Variants in PHACTR1 observed in about 807,000 individuals in gnomAD.
The protein encoded by PHACTR1 is phosphatase and actin regulator 1.
PHACTR1 carries 16 observed loss-of-function variants against 69.2 expected under a neutral mutation model. The ratio of observed to expected loss-of-function variants is 0.23; its 90% CI spans 0.16 to 0.35. The LOEUF (loss-of-function observed/expected upper bound fraction) is 0.35. Among genes scored for constraint, PHACTR1 ranks in the 10% least tolerant of loss-of-function variants. The probability of loss-of-function intolerance (pLI) is 1.00; values close to 1 mark genes in which losing one functional copy is unlikely to be tolerated. For synonymous variants in PHACTR1, 312 were observed against 284.5 expected (o/e 1.10, Z -0.97); for missense variants, 510 against 734.7 (o/e 0.69, Z 3.54).
chr6:12,978,149 G>A (rs1166198246), intron 4 of PHACTR1, among the ~76,000 whole-genome samples: 1 of 152,088 alleles, frequency 6.6e-6, no homozygotes, highest in African/African-American at 2.4e-5. Flanking sequence ...GTTTGCAGCA[G>A]TGCCCTTGGC....
intron 4 of PHACTR1, among the ~76,000 whole-genome samples, chr6:12,771,822 G>A (rs1769426244): frequency 1.3e-5 from 2 of 152,162 alleles, no homozygotes; most frequent in Admixed American, 1.3e-4. Flanking sequence ...AAAAATAGGA[G>A]CCACTACAAC....
chr6:12,971,886 G>A (rs1268822134), intron 4 of PHACTR1, among the ~76,000 whole-genome samples: 2 of 152,202 alleles, frequency 1.3e-5, no homozygotes, highest in African/African-American at 4.8e-5. Flanking sequence ...AGGTATTAAT[G>A]ATGCAGATAC....
intron 4 of PHACTR1, among the ~76,000 whole-genome samples, chr6:13,042,953 A>C (rs1804418691): frequency 6.6e-6 from 1 of 152,212 alleles, no homozygotes; most frequent in African/African-American, 2.4e-5. Context: ...CACTCAACCT[A>C]GTGTAAGTAA....
intron 5 of PHACTR1, among the ~76,000 whole-genome samples, chr6:13,078,812 G>C (rs1583262400): frequency 6.6e-6 from 1 of 152,154 alleles, no homozygotes. Flanking sequence ...CCAGTGGCTA[G>C]AGAACTGCTT....
intron 4 of PHACTR1, among the ~76,000 whole-genome samples, chr6:12,803,889 C>T (rs1185053142): frequency 1.3e-5 from 2 of 152,190 alleles, no homozygotes; most frequent in African/African-American, 4.8e-5. Context: ...CTCAACCCCA[C>T]CCCATTTGAG....
chr6:13,105,742 AG>A (rs2127879875), intron 5 of PHACTR1, among the ~76,000 whole-genome samples: 1 of 152,344 alleles, frequency 6.6e-6, no homozygotes, highest in Non-Finnish European at 1.5e-5. Context: ...ACCTAATTAA[AG>A]GAAAAAGCTG....
Position 12,763,170 on chromosome 6 carries a change from G to T in PHACTR1, c.250+13380G>T, listed in dbSNP as rs192660923. ...AGAGGTTGCAGTAAGCTAAGATCGTGCCATTGCACTCCAGCCTGGGCAACA... is the reference window on the plus strand; with the variant it reads ...AGAGGTTGCAGTAAGCTAAGATCGTTCCATTGCACTCCAGCCTGGGCAACA... On this transcript the variant is annotated intron_variant, in intron 4 of 14. Transcript: ENST00000332995. Among the ~76,000 whole-genome samples the T allele has an allele frequency of 3.5e-3, 540 of 152,240 alleles. 3 individuals are homozygous for T. The highest frequency in any genetic ancestry group is 0.012 in the African/African-American group (481 of 41,540).
At chr6:13,263,984 C>T (rs1584294305) in intron 10 of PHACTR1, among the ~76,000 whole-genome samples, 1 of 152,244 alleles carries the variant, frequency 6.6e-6, no homozygotes, top group Non-Finnish European at 1.5e-5. Flanking sequence ...CCTGGGTGTC[C>T]CCCGAAAATT....
At chr6:12,886,701 A>G (rs1783676248) in intron 4 of PHACTR1, among the ~76,000 whole-genome samples, 1 of 152,108 alleles carries the variant, frequency 6.6e-6, no homozygotes, top group South Asian at 2.1e-4. Flanking sequence ...AAGGAAACCC[A>G]CTCACAGCTC....
chr6:12,972,147 C>T (rs1381604165), intron 4 of PHACTR1, among the ~76,000 whole-genome samples: 1 of 152,186 alleles, frequency 6.6e-6, no homozygotes. Context: ...GTATAAACAA[C>T]TACTGCTTTA....
intron 5 of PHACTR1, among the ~76,000 whole-genome samples, chr6:13,137,121 G>T (rs150112814): frequency 2.2e-3 from 338 of 152,316 alleles, no homozygotes; most frequent in Middle Eastern, 0.01. Flanking sequence ...CTAAGACAAG[G>T]TACGCTTGTA....
intron 13 of PHACTR1, among the ~76,000 whole-genome samples, chr6:13,285,931 G>A (rs1242706030): frequency 2.0e-5 from 3 of 152,218 alleles, no homozygotes; most frequent in African/African-American, 7.2e-5. Context: ...TTGGGCAATA[G>A]CCTGTCATCA....
chr6:13,231,101 A>AGAG (rs1241801170), intron 10 of PHACTR1, among the ~76,000 whole-genome samples: 2,747 of 69,928 alleles, frequency 0.039, 548 homozygotes, highest in Middle Eastern at 0.074. Flanking sequence ...GAAGGAAGGG[A>AGAG]AAAGAAAGAA....
intron 3 of PHACTR1, among the ~76,000 whole-genome samples, chr6:12,729,030 C>T (rs78881842): frequency 0.022 from 3,396 of 152,230 alleles, 128 homozygotes; most frequent in African/African-American, 0.078. Flanking sequence ...ATGAATGTAT[C>T]CGTTCTTATG....
chr6:13,255,592 G>C (rs926862710), intron 10 of PHACTR1, among the ~76,000 whole-genome samples: 4 of 152,190 alleles, frequency 2.6e-5, no homozygotes, highest in African/African-American at 9.7e-5. Flanking sequence ...GGGGGTATAG[G>C]CATTGGGTAA....
In PHACTR1 at chr6:13,112,330, A is replaced by G. The variant is rs113461590; in HGVS notation, c.416-47874A>G. Among the ~76,000 whole-genome samples, 1,272 of 152,332 alleles carry G rather than the reference A, an allele frequency of 8.4e-3. 17 individuals carry two copies. Among genetic ancestry groups the G allele is most frequent in the African/African-American group, 0.029 (1,198 of 41,574 alleles). On this transcript the variant is annotated intron_variant, in intron 5 of 14. Coordinates refer to ENST00000332995, the MANE Select transcript of PHACTR1 (RefSeq NM_030948.6). ...TCTTTGCTATTGTGAATAGTGCTGC[A>G]GTGAACATACATGTCCATATGTCTT...
chr6:13,094,527 C>G (rs150482638), intron 5 of PHACTR1, among the ~76,000 whole-genome samples: 1,858 of 151,834 alleles, frequency 0.012, 43 homozygotes, highest in African/African-American at 0.042. Context: ...GAACTCCTGA[C>G]CTCAGGTGAT....
intron 7 of PHACTR1, among the ~76,000 whole-genome samples, chr6:13,195,648 C>T (rs946716307): frequency 2.7e-5 from 4 of 150,666 alleles, no homozygotes; most frequent in Non-Finnish European, 5.9e-5. Context: ...ATCCCAGCTA[C>T]TCAGGAGGCT....
chr6:12,723,640 C>T (rs893818635), intron 3 of PHACTR1, among the ~76,000 whole-genome samples: 5 of 152,054 alleles, frequency 3.3e-5, no homozygotes, highest in East Asian at 1.9e-4. Context: ...TAGGCACATG[C>T]CACCATGCCT....
Sources: gnomAD v4.1 joint callset for allele counts (sites outside exome capture counted in the v4.1 genomes callset) on GRCh38, gnomAD v4.1.1 for gene constraint, MANE v1.5 for transcripts, NCBI Gene and HGNC (gene_info 2026-07-23, HGNC 2026-07-21) for gene names.